Variants in RBFOX1 observed in about 807,000 individuals in gnomAD.
RBFOX1 encodes RNA binding protein fox-1 homolog 1.
Under a neutral mutation model 57.7 loss-of-function variants are expected in RBFOX1, and 8 were observed. That is an observed-to-expected ratio of 0.14 (90% CI 0.08 to 0.25). RBFOX1 has a LOEUF of 0.25. RBFOX1 is among the 10% of genes least tolerant of loss of function. RBFOX1 has a pLI of 1.00. For missense variants in RBFOX1, 611 were observed against 548.5 expected (o/e 1.11, Z -1.14); for synonymous variants, 326 against 222.4 (o/e 1.47, Z -4.15).
chr16:5,362,564 G>T (rs548082765), intron 1 of RBFOX1, among the ~76,000 whole-genome samples: 1 of 152,242 alleles, frequency 6.6e-6, no homozygotes, highest in Non-Finnish European at 1.5e-5. Flanking sequence ...GTTTCTCCAT[G>T]TTGGTCAGGC....
At chr16:5,983,908 C>A (rs1287202136) in intron 4 of RBFOX1, among the ~76,000 whole-genome samples, 1 of 145,668 alleles carries the variant, frequency 6.9e-6, no homozygotes, top group African/African-American at 2.6e-5. Context: ...TCTCCTCCTC[C>A]TCCTCTTCCT....
intron 1 of RBFOX1, among the ~76,000 whole-genome samples, chr16:6,210,349 A>AAC (rs1567684271): frequency 3.8e-5 from 3 of 78,048 alleles, no homozygotes; most frequent in African/African-American, 1.2e-4. Flanking sequence ...AAAAAACAAA[A>AAC]AAAAAAAACA....
At chr16:6,476,583 T>A (rs1760271792) in intron 2 of RBFOX1, among the ~76,000 whole-genome samples, 2 of 152,232 alleles carry the variant, frequency 1.3e-5, no homozygotes, top group African/African-American at 4.8e-5. Flanking sequence ...AACAATCATC[T>A]GAGCCTTTAA....
At chr16:6,842,074 C>A (rs150154285) in intron 3 of RBFOX1, among the ~76,000 whole-genome samples, 3,000 of 151,386 alleles carry the variant, frequency 0.02, 96 homozygotes, top group African/African-American at 0.069. Flanking sequence ...ACCCGGGAGG[C>A]GGAACTTGCA....
chr16:6,043,146 A>T (rs1434000670), intron 1 of RBFOX1, among the ~76,000 whole-genome samples: 1 of 112,444 alleles, frequency 8.9e-6, no homozygotes, highest in Non-Finnish European at 1.9e-5. Flanking sequence ...AAAAAAAAAA[A>T]AAAAAAAAAA....
chr16:5,959,882 A>C (rs1389754798), intron 4 of RBFOX1, among the ~76,000 whole-genome samples: 1 of 152,116 alleles, frequency 6.6e-6, no homozygotes, highest in Non-Finnish European at 1.5e-5. Context: ...CTCCCCATCC[A>C]GCTACCAACA....
At chr16:5,703,786 A>AGT in intron 3 of RBFOX1, among the ~76,000 whole-genome samples, 1 of 152,136 alleles carries the variant, frequency 6.6e-6, no homozygotes, top group Non-Finnish European at 1.5e-5. Context: ...TATGTGTGTG[A>AGT]GTATATATAT....
At chr16:5,888,826 G>A (rs567951721) in intron 4 of RBFOX1, among the ~76,000 whole-genome samples, 6 of 141,908 alleles carry the variant, frequency 4.2e-5, no homozygotes, top group Admixed American at 1.4e-4. Context: ...AAAAAAAGTT[G>A]TTGAATTAAA....
intron 4 of RBFOX1, among the ~76,000 whole-genome samples, chr16:7,155,784 T>C (rs1431235350): frequency 1.4e-5 from 2 of 143,784 alleles, no homozygotes; most frequent in African/African-American, 5.2e-5. Context: ...CAGACACATA[T>C]ATAATCATTC....
chr16:7,208,978 C>T (rs1249704108), intron 4 of RBFOX1, among the ~76,000 whole-genome samples: 2 of 151,940 alleles, frequency 1.3e-5, no homozygotes, highest in Admixed American at 6.6e-5. Context: ...CTTCATCTTC[C>T]CTCTATGCAT....
At chr16:6,006,481 A>G (rs527687329) in intron 4 of RBFOX1, among the ~76,000 whole-genome samples, 1 of 152,354 alleles carries the variant, frequency 6.6e-6, no homozygotes, top group East Asian at 1.9e-4. Flanking sequence ...TGCAGTAACC[A>G]GAGAACCTGC....
At chr16:6,720,355 A>G (rs1057043201) in intron 3 of RBFOX1, among the ~76,000 whole-genome samples, 5 of 152,158 alleles carry the variant, frequency 3.3e-5, no homozygotes, top group Non-Finnish European at 7.3e-5. Context: ...AAGTTTCCTC[A>G]GTCTTCCTAG....
intron 1 of RBFOX1, among the ~76,000 whole-genome samples, chr16:6,210,558 T>C (rs2097289644): frequency 6.6e-6 from 1 of 151,682 alleles, no homozygotes; most frequent in Admixed American, 6.6e-5. Context: ...AGCGAGACCC[T>C]GTCTCTACAA....
intron 4 of RBFOX1, among the ~76,000 whole-genome samples, chr16:7,517,938 C>T (rs563607823): frequency 3.5e-4 from 53 of 152,016 alleles, no homozygotes; most frequent in Non-Finnish European, 5.9e-4. Flanking sequence ...TCGGTTTCTG[C>T]ATCTGTAAAA....
At chr16:6,002,433 C>T (rs536163184) in intron 4 of RBFOX1, among the ~76,000 whole-genome samples, 9 of 152,332 alleles carry the variant, frequency 5.9e-5, no homozygotes, top group African/African-American at 2.2e-4. Flanking sequence ...ACAAGACTCA[C>T]TTTCCACATG....
At chr16:6,598,485 A>C (rs1221670409) in intron 2 of RBFOX1, among the ~76,000 whole-genome samples, 1 of 152,228 alleles carries the variant, frequency 6.6e-6, no homozygotes, top group Non-Finnish European at 1.5e-5. Context: ...AGTCTGTAGA[A>C]AATAAAGAGG....
intron 4 of RBFOX1, among the ~76,000 whole-genome samples, chr16:7,108,898 G>A (rs2064115593): frequency 6.6e-6 from 1 of 152,150 alleles, no homozygotes; most frequent in South Asian, 2.1e-4. Flanking sequence ...TGAAAAGAAG[G>A]AGGTTGGTTT....
At chr16:6,996,578 G>T (rs538213193) in intron 3 of RBFOX1, among the ~76,000 whole-genome samples, 3 of 152,248 alleles carry the variant, frequency 2.0e-5, no homozygotes, top group African/African-American at 7.2e-5. Flanking sequence ...TCATTTACTA[G>T]CCCAACGACT....
intron 3 of RBFOX1, among the ~76,000 whole-genome samples, chr16:5,837,310 A>T (rs1156455117): frequency 2.0e-5 from 3 of 151,728 alleles, no homozygotes; most frequent in African/African-American, 7.3e-5. Context: ...CCTCACAGAT[A>T]CAGCCCCAAG....
Sources: gnomAD v4.1 joint callset for allele counts (sites outside exome capture counted in the v4.1 genomes callset) on GRCh38, gnomAD v4.1.1 for gene constraint, MANE v1.5 for transcripts, NCBI Gene and HGNC (gene_info 2026-07-23, HGNC 2026-07-21) for gene names.